ROR1: variants seen among roughly 807,000 people sequenced by gnomAD.
ROR1 encodes inactive tyrosine-protein kinase transmembrane receptor ROR1.
In ROR1, 19 loss-of-function variants were observed where a neutral mutation model predicts 78.8. The ratio of observed to expected loss-of-function variants is 0.24; its 90% CI spans 0.17 to 0.35. The LOEUF (loss-of-function observed/expected upper bound fraction) is 0.35, where lower values mean the gene tolerates loss of function less well. ROR1 is among the 10% of genes least tolerant of loss of function. The pLI is 1.00. For missense variants in ROR1, 917 were observed against 1,177.8 expected (o/e 0.78, Z 3.24); for synonymous variants, 386 against 433.6 (o/e 0.89, Z 1.36).
chr1:63,912,495 G>A lies in ROR1; in HGVS notation c.92-96810G>A, dbSNP rs112632110. ...AGGCAGAGCTATTGCCATTTAGGTC[G>A]GATCTTGGATGAGTTAGGAGTTCTT... is the stretch of plus-strand genomic sequence containing the variant. On this transcript the variant is annotated intron_variant, in intron 1 of 8. Transcript: ENST00000371079. Among the ~76,000 whole-genome samples, 11 of 152,242 alleles carry A rather than the reference G, an allele frequency of 7.2e-5. No homozygotes were observed. In the East Asian group the frequency reaches 7.7e-4, roughly 11 times the overall value.
At chr1:63,925,776 AT>A (rs1460766433) in intron 1 of ROR1, among the ~76,000 whole-genome samples, 1 of 150,346 alleles carries the variant, frequency 6.7e-6, no homozygotes, top group East Asian at 2.0e-4. Context: ...GATGATGAGC[AT>A]TTTTTCATGT....
intron 4 of ROR1, among the ~76,000 whole-genome samples, chr1:64,135,223 G>A (rs1450597788): frequency 1.3e-5 from 2 of 152,132 alleles, no homozygotes; most frequent in African/African-American, 2.4e-5. Flanking sequence ...CCAAGGAATT[G>A]CATTCCATTT....
chr1:64,176,825 A>C (rs1163501135), intron 8 of ROR1, among the ~76,000 whole-genome samples: 1 of 152,264 alleles, frequency 6.6e-6, no homozygotes, highest in African/African-American at 2.4e-5. Flanking sequence ...TAGCACAATA[A>C]ATATTCGAAG....
intron 4 of ROR1, among the ~76,000 whole-genome samples, chr1:64,085,361 T>C (rs886717145): frequency 2.6e-5 from 4 of 151,924 alleles, no homozygotes; most frequent in African/African-American, 9.7e-5. Context: ...GTGCGTTGGG[T>C]GCTATGGAAC....
chr1:63,904,096 G>A (rs1265960879), intron 1 of ROR1, among the ~76,000 whole-genome samples: 1 of 152,190 alleles, frequency 6.6e-6, no homozygotes, highest in Non-Finnish European at 1.5e-5. Context: ...CAGGTCAGGG[G>A]CATCAGTTCA....
At chr1:63,911,572 A>G (rs1428155594) in intron 1 of ROR1, among the ~76,000 whole-genome samples, 1 of 152,042 alleles carries the variant, frequency 6.6e-6, no homozygotes, top group Admixed American at 6.6e-5. Context: ...TAGATCCCGA[A>G]ACCATCCCCC....
At chr1:64,177,355 C>G (rs1650410200) in intron 8 of ROR1, 73 bp from the exon 9 acceptor site, 1 of 1,093,240 alleles carries the variant, frequency 9.1e-7, no homozygotes. Flanking sequence ...TATGCCCCGT[C>G]CCTCCTTTCG....
chr1:63,850,845 G>A (rs1645109751), intron 1 of ROR1, among the ~76,000 whole-genome samples: 1 of 152,162 alleles, frequency 6.6e-6, no homozygotes, highest in Admixed American at 6.5e-5. Flanking sequence ...CTATGTTGGG[G>A]GTGCATAGCA....
chr1:63,787,521 T>G (rs561053012), intron 1 of ROR1, among the ~76,000 whole-genome samples: 27 of 132,652 alleles, frequency 2.0e-4, no homozygotes, highest in Non-Finnish European at 4.2e-4. Context: ...TTTCCTTCCT[T>G]CTCTTTTTTT....
intron 1 of ROR1, among the ~76,000 whole-genome samples, chr1:63,866,608 C>CTT (rs968633895): frequency 1.3e-5 from 2 of 150,718 alleles, no homozygotes; most frequent in African/African-American, 4.9e-5. Context: ...GGGACCTAGC[C>CTT]TTTTTTTTTG....
At chr1:63,778,873 T>C (rs918393283) in intron 1 of ROR1, among the ~76,000 whole-genome samples, 2 of 152,254 alleles carry the variant, frequency 1.3e-5, no homozygotes, top group African/African-American at 2.4e-5. Flanking sequence ...CTTACCTTAG[T>C]GGCTGTCCTA....
chr1:63,858,142 C>CT (rs1481336786), intron 1 of ROR1, among the ~76,000 whole-genome samples: 3 of 152,188 alleles, frequency 2.0e-5, no homozygotes, highest in African/African-American at 7.2e-5. Context: ...GTATCTGTAT[C>CT]TTTCACTTAT....
At chr1:64,099,539 T>C (rs1647435695) in intron 4 of ROR1, among the ~76,000 whole-genome samples, 1 of 152,148 alleles carries the variant, frequency 6.6e-6, no homozygotes, top group Non-Finnish European at 1.5e-5. Flanking sequence ...AAATGGAAAC[T>C]ATAAAAGCAA....
chr1:63,979,796 A>C (rs547340147), intron 1 of ROR1, among the ~76,000 whole-genome samples: 2 of 152,354 alleles, frequency 1.3e-5, no homozygotes, highest in East Asian at 3.9e-4. Flanking sequence ...TGGAGTAGAT[A>C]TGCTCAAAAC....
intron 7 of ROR1, among the ~76,000 whole-genome samples, chr1:64,152,098 C>G (rs559512943): frequency 4.9e-4 from 75 of 152,176 alleles, no homozygotes; most frequent in African/African-American, 1.7e-3. Flanking sequence ...AACCAAAACT[C>G]GTATGCAAAA....
chr1:63,839,213 C>T (rs983139736), intron 1 of ROR1, among the ~76,000 whole-genome samples: 5 of 152,216 alleles, frequency 3.3e-5, no homozygotes, highest in Admixed American at 6.5e-5. Context: ...GTAACATTTA[C>T]CTTAAAGAAA....
At chr1:64,155,415 G>T (rs1649742700) in intron 7 of ROR1, among the ~76,000 whole-genome samples, 1 of 152,116 alleles carries the variant, frequency 6.6e-6, no homozygotes. Flanking sequence ...ATGTGTTTCT[G>T]TCACTTCCAA....
At chr1:63,922,499 C>T (rs1040551843) in intron 1 of ROR1, among the ~76,000 whole-genome samples, 7 of 151,828 alleles carry the variant, frequency 4.6e-5, no homozygotes, top group African/African-American at 1.2e-4. Flanking sequence ...GAGTTTATGT[C>T]GAAGCCCAGG....
chr1:64,061,545 G>A lies in ROR1; in HGVS notation c.482+10829G>A, dbSNP rs1323887760. 2.0e-5 allele frequency among the ~76,000 whole-genome samples: 3 copies of A among 152,166 alleles called. No individual in the cohort carries two copies. The East Asian group carries it at 5.8e-4, about 29-fold the overall frequency. The stretch of plus-strand genomic sequence containing the variant: ...GATCACCTGGGGTTGTTATTAAAAT[G>A]CAAATTCTAAAAGAGCAGGTCTGGG... On this transcript the variant is annotated intron_variant, in intron 4 of 8. Transcript: ENST00000371079.
Sources: allele counts gnomAD v4.1 joint callset (sites outside exome capture counted in the v4.1 genomes callset), GRCh38; gene constraint gnomAD v4.1.1; transcripts MANE v1.5; gene names NCBI Gene and HGNC (gene_info 2026-07-23, HGNC 2026-07-21).